Variants in CDK15 observed in about 807,000 individuals in gnomAD.
CDK15 encodes the protein cyclin-dependent kinase 15.
CDK15 carries 62 observed loss-of-function variants against 60.3 expected under a neutral mutation model. The observed-to-expected ratio is 1.03, with a 90% CI of 0.84 to 1.27. CDK15 has a LOEUF of 1.27. Ranked by LOEUF, CDK15 falls within the 50% of genes most tolerant of loss-of-function variation. The pLI is 0.00. For missense variants in CDK15, 541 were observed against 527.8 expected (o/e 1.03, Z -0.25); for synonymous variants, 194 against 195.7 (o/e 0.99, Z 0.07).
chr2:201,855,824 CTTTT>C (rs570053529), intron 10 of CDK15, among the ~76,000 whole-genome samples: 1 of 134,006 alleles, frequency 7.5e-6, no homozygotes, highest in Non-Finnish European at 1.6e-5. Context: ...GTTGTCCTTA[CTTTT>C]TTTTTTTTTT....
chr2:201,894,446 A>G lies in CDK15; in HGVS notation c.*1179A>G, dbSNP rs2105852412. The G allele has an allele frequency of 6.6e-6, 1 of 152,320 alleles. No homozygotes were observed. Among genetic ancestry groups the G allele is most frequent in the African/African-American group, 2.4e-5 (1 of 41,586 alleles). 9.4% of individuals were successfully genotyped at this position (152,320 alleles called of 1,614,324 possible). A position where few individuals can be genotyped will look rare whatever the true frequency, so the allele number is the denominator to read the frequency against. On this transcript the variant is annotated 3_prime_UTR_variant, in exon 14 of 14. Transcript: ENST00000652192. ...ACTGTCCAGCTATACCTGAAAGATG[A>G]AACAGTGTAGGCTGGGTGATGGAGC...
intron 12 of CDK15, among the ~76,000 whole-genome samples, chr2:201,885,863 A>G (rs1574943232): frequency 1.3e-5 from 2 of 152,202 alleles, no homozygotes; most frequent in African/African-American, 2.4e-5. Context: ...CAATCTATGT[A>G]CTAATTGGTG....
At chr2:201,846,201 C>T (rs777941707) in intron 8 of CDK15, among the ~76,000 whole-genome samples, 10 of 151,884 alleles carry the variant, frequency 6.6e-5, no homozygotes, top group Non-Finnish European at 1.3e-4. Context: ...AGCATCAAAA[C>T]GTGCAGAATG....
intron 9 of CDK15, 68 bp from the exon 10 acceptor site, chr2:201,854,806 T>G (rs571449252): frequency 7.3e-7 from 1 of 1,369,294 alleles, no homozygotes; most frequent in Admixed American, 1.7e-5. Flanking sequence ...CCTGCATGTC[T>G]CCATACCTCT....
rs530943353 is a variant in CDK15, at chr2:201,811,593, A to T, written c.369-890A>T. 2.6e-5 allele frequency among the ~76,000 whole-genome samples: 4 copies of T among 152,360 alleles called. No individual in the cohort carries two copies. In the South Asian group the frequency reaches 6.2e-4, roughly 24 times the overall value. ...ACAATGGATTTATACCTGCATTAAA[A>T]TCTTCTCTATTCTCAGCACTTAGCT... is the stretch of plus-strand genomic sequence containing the variant. On this transcript the variant is annotated intron_variant, in intron 3 of 13. Coordinates refer to ENST00000652192, the MANE Select transcript of CDK15 (RefSeq NM_001366386.2).
At chr2:201,867,186 A>G (rs1698666338) in intron 10 of CDK15, among the ~76,000 whole-genome samples, 1 of 152,060 alleles carries the variant, frequency 6.6e-6, no homozygotes, top group Non-Finnish European at 1.5e-5. Flanking sequence ...TCTTACAACA[A>G]CCTCATTTGA....
chr2:201,832,463 T>C (rs970011025), intron 6 of CDK15, among the ~76,000 whole-genome samples: 1 of 152,238 alleles, frequency 6.6e-6, no homozygotes, highest in African/African-American at 2.4e-5. Flanking sequence ...ATCAGAAGGT[T>C]TAAATGTCAG....
chr2:201,823,771 G>A, intron 6 of CDK15, 44 bp downstream of exon 6: 3 of 1,544,764 alleles, frequency 1.9e-6, no homozygotes, highest in Non-Finnish European at 2.7e-6. Context: ...CTTGCCCACA[G>A]AAGGAGAATT....
At chr2:201,869,710 G>C (rs757604461) in intron 10 of CDK15, among the ~76,000 whole-genome samples, 1 of 151,576 alleles carries the variant, frequency 6.6e-6, no homozygotes, top group Non-Finnish European at 1.5e-5. Flanking sequence ...AAGTTAGAAA[G>C]AGTATTAAAA....
intron 9 of CDK15, among the ~76,000 whole-genome samples, chr2:201,853,112 A>G (rs1006980581): frequency 3.3e-5 from 5 of 152,226 alleles, no homozygotes; most frequent in African/African-American, 1.2e-4. Flanking sequence ...GCAAATACAT[A>G]AGATGGTAGG....
In CDK15 at chr2:201,847,417, T is replaced by A; in HGVS notation, c.888T>A (p.Gly296=). 2 of 1,614,110 alleles carry A rather than the reference T, an allele frequency of 1.2e-6. No homozygotes were observed. The highest frequency in any genetic ancestry group is 1.7e-6 in the Non-Finnish European group (2 of 1,180,004). The change falls in exon 9 of 14, where the codon GGT becomes GGA. Residue 296 remains glycine, a synonymous_variant. Transcript: ENST00000652192. ...AGCIFIEMFQ[G]QPLFPGVSNI... is the part of the protein sequence containing the mutation. ...GCATCTTTATTGAAATGTTCCAGGG[T>A]CAACCTTTGTTTCCTGGGGTTTCCA...
Position 201,833,850 on chromosome 2 carries a change from T to C in CDK15, c.609T>C (p.Leu203=), listed in dbSNP as rs1316396905. ...TGGATAGTGTTTCTTCCTTCCAGCT[T>C]TTCATGTTTCAACTTTTGCGGGGCC... The part of the protein sequence containing the change: ...PGGLHPHNVR[L]FMFQLLRGLA... Residue 203 remains leucine (L), a splice_region_variant and synonymous_variant, in exon 7 of 14, where the codon CTT becomes CTC. Coordinates refer to ENST00000652192, the MANE Select transcript of CDK15 (RefSeq NM_001366386.2). 1 of 1,613,700 alleles carries C rather than the reference T, an allele frequency of 6.2e-7. No individual in the cohort carries two copies. The highest frequency in any genetic ancestry group is 8.5e-7 in the Non-Finnish European group (1 of 1,179,792).
At chr2:201,843,628 TACAC>T (rs546393890) in intron 8 of CDK15, among the ~76,000 whole-genome samples, 496 of 152,288 alleles carry the variant, frequency 3.3e-3, no homozygotes, top group Non-Finnish European at 6.0e-3. Context: ...AGTGCACACA[TACAC>T]ACACTATATA....
In CDK15 at chr2:201,850,309, A is replaced by G. The variant is rs994459635; in HGVS notation, c.945+2835A>G. Among the ~76,000 whole-genome samples the G allele has an allele frequency of 5.9e-5, 9 of 152,264 alleles. No homozygotes were observed. In the East Asian group the frequency reaches 1.4e-3, roughly 23 times the overall value. On this transcript the variant is annotated intron_variant, in intron 9 of 13. Transcript: ENST00000652192. ...ATAACATTTTAAAATATGACATACT[A>G]TCTTTGAATGACCACACAATTTAAA...
At chr2:201,873,241 A>G (rs1698928150) in intron 11 of CDK15, among the ~76,000 whole-genome samples, 1 of 152,230 alleles carries the variant, frequency 6.6e-6, no homozygotes, top group Non-Finnish European at 1.5e-5. Context: ...ACATAGAACT[A>G]TGGACTACCA....
At chr2:201,848,409 TC>T (rs1697764039) in intron 9 of CDK15, among the ~76,000 whole-genome samples, 2 of 152,122 alleles carry the variant, frequency 1.3e-5, no homozygotes, top group South Asian at 4.1e-4. Context: ...AAATTTACCG[TC>T]TTAACCCTCC....
rs140027574 is a variant in CDK15, at chr2:201,872,581, C to T, written c.1058+255C>T. Among the ~76,000 whole-genome samples, 60 of 151,998 alleles carry T rather than the reference C, an allele frequency of 3.9e-4. No individual in the cohort carries two copies. In the East Asian group the frequency reaches 9.1e-3, roughly 23 times the overall value. On this transcript the variant is annotated intron_variant, in intron 11 of 13. Transcript: ENST00000652192. ...TCAGCCATGCCCCAGGCCCTGAGAACGAGGGAGTGTTGGTCTGCAAGAAAA... is the reference window on the plus strand; with the variant it reads ...TCAGCCATGCCCCAGGCCCTGAGAATGAGGGAGTGTTGGTCTGCAAGAAAA...
chr2:201,867,163 T>G (rs1284652563), intron 10 of CDK15, among the ~76,000 whole-genome samples: 4 of 152,150 alleles, frequency 2.6e-5, no homozygotes, highest in Non-Finnish European at 4.4e-5. Context: ...GTATATACAT[T>G]GATTAATTAA....
intron 12 of CDK15, among the ~76,000 whole-genome samples, chr2:201,885,657 C>A (rs1699427775): frequency 6.6e-6 from 1 of 152,052 alleles, no homozygotes. Context: ...CCTACCAAGC[C>A]CTTAAGTTGG....
Sources: allele counts gnomAD v4.1 joint callset (sites outside exome capture counted in the v4.1 genomes callset), GRCh38; gene constraint gnomAD v4.1.1; transcripts MANE v1.5; gene names NCBI Gene and HGNC (gene_info 2026-07-23, HGNC 2026-07-21).